Variants in NEGR1 observed in about 807,000 individuals in gnomAD.
NEGR1 encodes IgLON family member 4.
A neutral mutation model predicts 40.9 loss-of-function variants in NEGR1; 10 were observed. The ratio of observed to expected loss-of-function variants is 0.24; its 90% CI spans 0.15 to 0.42. NEGR1 has a LOEUF of 0.42. NEGR1 is among the 10% of genes least tolerant of loss of function. NEGR1 has a pLI of 1.00. For synonymous variants in NEGR1, 185 were observed against 166.8 expected (o/e 1.11, Z -0.84); for missense variants, 352 against 438.9 (o/e 0.80, Z 1.77).
chr1:71,771,473 C>T (rs1844788), intron 3 of NEGR1, among the ~76,000 whole-genome samples: 113,176 of 151,598 alleles, frequency 0.75, 44,168 homozygotes, highest in East Asian at 0.86. Context: ...GGCCGAGGCA[C>T]GTGGATCACC....
chr1:71,994,162 A>G (rs935795514), intron 1 of NEGR1, among the ~76,000 whole-genome samples: 14 of 152,186 alleles, frequency 9.2e-5, no homozygotes, highest in African/African-American at 3.1e-4. Context: ...CTGATTTGCT[A>G]TTGTGGAAAT....
chr1:72,171,554 G>C (rs1261596888), intron 1 of NEGR1, among the ~76,000 whole-genome samples: 1 of 152,128 alleles, frequency 6.6e-6, no homozygotes, highest in Non-Finnish European at 1.5e-5. Flanking sequence ...TTCGCTGTGA[G>C]TTCTTTGTCT....
intron 3 of NEGR1, among the ~76,000 whole-genome samples, chr1:71,732,021 A>G (rs4649942): frequency 0.38 from 57,483 of 152,032 alleles, 11,239 homozygotes; most frequent in East Asian, 0.6. Flanking sequence ...TCAATGATAA[A>G]GAATTCACAT....
intron 6 of NEGR1, among the ~76,000 whole-genome samples, chr1:71,561,930 T>TC (rs1648473102): frequency 6.7e-6 from 1 of 149,706 alleles, no homozygotes; most frequent in Non-Finnish European, 1.5e-5. Flanking sequence ...TGCTAGAGCT[T>TC]TTTTTTTTTT....
At chr1:71,899,991 A>G (rs1489191220) in intron 2 of NEGR1, among the ~76,000 whole-genome samples, 1 of 152,232 alleles carries the variant, frequency 6.6e-6, no homozygotes, top group East Asian at 1.9e-4. Context: ...ATGGCTAGTG[A>G]AGAGAAACAT....
At chr1:71,894,975 C>T (rs749865458) in intron 2 of NEGR1, among the ~76,000 whole-genome samples, 5 of 151,974 alleles carry the variant, frequency 3.3e-5, no homozygotes, top group Admixed American at 2.6e-4. Context: ...ATGAAATAAT[C>T]TATACACAAT....
At chr1:71,896,735 A>AG (rs1660985551) in intron 2 of NEGR1, among the ~76,000 whole-genome samples, 1 of 152,146 alleles carries the variant, frequency 6.6e-6, no homozygotes, top group Non-Finnish European at 1.5e-5. Context: ...GGCATGATGT[A>AG]GGGGTCTGAT....
intron 2 of NEGR1, among the ~76,000 whole-genome samples, chr1:71,784,726 A>G (rs1360147736): frequency 1.3e-5 from 2 of 152,226 alleles, no homozygotes; most frequent in African/African-American, 4.8e-5. Context: ...TGGATTATGC[A>G]AAGGCATAAC....
chr1:72,254,325 C>T (rs1334157407), intron 1 of NEGR1, among the ~76,000 whole-genome samples: 2 of 152,102 alleles, frequency 1.3e-5, no homozygotes, highest in Non-Finnish European at 2.9e-5. Flanking sequence ...AGCTTTGCTG[C>T]CTTTGAAGTC....
At chr1:71,732,332 C>A (rs542517362) in intron 3 of NEGR1, among the ~76,000 whole-genome samples, 9 of 152,158 alleles carry the variant, frequency 5.9e-5, no homozygotes, top group Non-Finnish European at 8.8e-5. Flanking sequence ...AACAAACAAA[C>A]AAACAACAAC....
intron 6 of NEGR1, among the ~76,000 whole-genome samples, chr1:71,585,030 T>C (rs1309243914): frequency 6.6e-6 from 1 of 152,110 alleles, no homozygotes; most frequent in Admixed American, 6.6e-5. Context: ...AAATTCTGTG[T>C]AGAGATGACA....
intron 3 of NEGR1, among the ~76,000 whole-genome samples, chr1:71,753,552 A>G (rs1162949341): frequency 6.6e-6 from 1 of 152,088 alleles, no homozygotes; most frequent in Admixed American, 6.6e-5. Flanking sequence ...ATATACCTAG[A>G]TACTACTCTT....
At chr1:71,851,472 G>A (rs558994010) in intron 2 of NEGR1, among the ~76,000 whole-genome samples, 16 of 151,994 alleles carry the variant, frequency 1.1e-4, no homozygotes, top group African/African-American at 2.7e-4. Context: ...TAGCACAATC[G>A]TTGTATTAGG....
At position 71,403,662 on chromosome 1, in the gene NEGR1, A is replaced by G; in HGVS notation, c.*3784T>C. 1 of 316,136 alleles carries G rather than the reference A, an allele frequency of 3.2e-6. No homozygotes were observed. The highest frequency in any genetic ancestry group is 5.8e-6 in the Non-Finnish European group (1 of 171,476). 19.6% of individuals were successfully genotyped at this position (316,136 alleles called of 1,614,324 possible). On this transcript the variant is annotated 3_prime_UTR_variant, in exon 7 of 7. Transcript: ENST00000357731. The stretch of plus-strand genomic sequence containing the variant: ...ATACAGGAAATAAAGAGAATAGCAG[A>G]AATATCTTCAAATTATTATTTCTTC...
chr1:72,215,650 C>T (rs1653775113), intron 1 of NEGR1, among the ~76,000 whole-genome samples: 1 of 151,914 alleles, frequency 6.6e-6, no homozygotes. Flanking sequence ...AAATCAAAAC[C>T]ACAATGAGAT....
chr1:71,944,749 T>C (rs12406107), intron 1 of NEGR1, among the ~76,000 whole-genome samples: 6,134 of 152,278 alleles, frequency 0.04, 184 homozygotes, highest in Middle Eastern at 0.085. Flanking sequence ...CAGGCACTGC[T>C]GGATTTTTCT....
Position 71,396,444 on chromosome 1 carries a change from T to C in NEGR1, c.*11002A>G, listed in dbSNP as rs1322400085. On this transcript the variant is annotated 3_prime_UTR_variant, in exon 7 of 7. Coordinates refer to ENST00000357731, the MANE Select transcript of NEGR1 (RefSeq NM_173808.3). ...AACGTTAAGGTCAACCACTTTTCAG[T>C]GTAAATTAAATCTGATTTTTAAAAT... 3 of 152,372 alleles carry C rather than the reference T, an allele frequency of 2.0e-5. No individual in the cohort carries two copies. The highest frequency in any genetic ancestry group is 3.9e-4 in the East Asian group (2 of 5,194). The allele number at this position is 152,372 out of a possible 1,614,324, so 9.4% of individuals were successfully genotyped here.
chr1:71,616,500 T>C (rs1650450554), intron 4 of NEGR1, among the ~76,000 whole-genome samples: 1 of 152,156 alleles, frequency 6.6e-6, no homozygotes, highest in East Asian at 1.9e-4. Flanking sequence ...ACATAGGCCA[T>C]AATAAATCAA....
intron 1 of NEGR1, among the ~76,000 whole-genome samples, chr1:72,262,809 A>T (rs1014912534): frequency 6.6e-6 from 1 of 151,970 alleles, no homozygotes; most frequent in African/African-American, 2.4e-5. Flanking sequence ...TTATAAAAAA[A>T]ATCTGAAGAT....
Sources: allele counts gnomAD v4.1 joint callset (sites outside exome capture counted in the v4.1 genomes callset), GRCh38; gene constraint gnomAD v4.1.1; transcripts MANE v1.5; gene names NCBI Gene and HGNC (gene_info 2026-07-23, HGNC 2026-07-21).